GRM7: variants seen among roughly 807,000 people sequenced by gnomAD.
GRM7 encodes glutamate metabotropic receptor 7.
Under a neutral mutation model 84.5 loss-of-function variants are expected in GRM7, and 35 were observed. That is an observed-to-expected ratio of 0.41 (90% CI 0.32 to 0.55). GRM7 has a LOEUF of 0.55. Among genes scored for constraint, GRM7 ranks in the 20% least tolerant of loss-of-function variants. The pLI is 0.19. For synonymous variants in GRM7, 487 were observed against 455.1 expected (o/e 1.07, Z -0.89); for missense variants, 1,003 against 1,194.6 (o/e 0.84, Z 2.36).
chr3:7,632,668 A>C (rs1697907921), intron 8 of GRM7, among the ~76,000 whole-genome samples: 2 of 152,224 alleles, frequency 1.3e-5, no homozygotes, highest in African/African-American at 2.4e-5. Context: ...ATCCCTAAAA[A>C]GGTAGTTATG....
chr3:7,246,450 C>T (rs1028918767), intron 2 of GRM7, among the ~76,000 whole-genome samples: 2 of 152,128 alleles, frequency 1.3e-5, no homozygotes, highest in South Asian at 2.1e-4. Flanking sequence ...TTCTCAAGAG[C>T]GTAGACCTCA....
intron 9 of GRM7, among the ~76,000 whole-genome samples, chr3:7,707,930 A>ATTTTTTTTTTTTTTTT (rs34344224): frequency 7.3e-5 from 9 of 123,684 alleles, no homozygotes; most frequent in Non-Finnish European, 1.0e-4. Context: ...GAAGCTTTCA[A>ATTTTTTTTTTTTTTTT]TTTTTTTTTT....
chr3:7,388,078 T>A (rs939238303), intron 4 of GRM7, among the ~76,000 whole-genome samples: 2 of 152,168 alleles, frequency 1.3e-5, no homozygotes, highest in Non-Finnish European at 2.9e-5. Context: ...GTTCTTGATG[T>A]CTTTCTCAGC....
At chr3:7,343,871 A>T (rs373211280) in intron 4 of GRM7, among the ~76,000 whole-genome samples, 2 of 151,924 alleles carry the variant, frequency 1.3e-5, no homozygotes, top group East Asian at 1.9e-4. Flanking sequence ...ATTCCTTCAT[A>T]TTTCTTCTGA....
At chr3:7,413,928 C>A (rs916507897) in intron 4 of GRM7, among the ~76,000 whole-genome samples, 3 of 152,092 alleles carry the variant, frequency 2.0e-5, no homozygotes, top group South Asian at 4.1e-4. Context: ...GCAATTCCCA[C>A]CAAAATGTGA....
Position 7,578,601 on chromosome 3 carries a change from T to C in GRM7, c.1695T>C (p.Tyr565=), listed in dbSNP as rs548942878. The C allele has an allele frequency of 2.7e-5, 43 of 1,614,098 alleles. No individual in the cohort carries two copies. In the South Asian group the frequency reaches 4.5e-4, roughly 17 times the overall value. ...FDEMTCQHCP[Y]DQRPNENRTG... is the part of the protein sequence containing the mutation. ...AGATGACATGCCAGCATTGCCCCTA[T>C]GACCAGAGGCCCAATGAAAATCGAA... The change falls in exon 8 of 10, where the codon TAT becomes TAC. Residue 565 remains tyrosine (Y), a synonymous_variant. Coordinates refer to ENST00000357716, the MANE Select transcript of GRM7 (RefSeq NM_000844.4).
chr3:7,246,461 T>C (rs1015518681), intron 2 of GRM7, among the ~76,000 whole-genome samples: 1 of 152,174 alleles, frequency 6.6e-6, no homozygotes, highest in Non-Finnish European at 1.5e-5. Flanking sequence ...GTAGACCTCA[T>C]ATTCACAATG....
intron 5 of GRM7, among the ~76,000 whole-genome samples, chr3:7,439,395 C>T (rs1376144971): frequency 6.6e-6 from 1 of 152,134 alleles, no homozygotes; most frequent in African/African-American, 2.4e-5. Context: ...TTTCTGTCAG[C>T]CTATGTGAAT....
chr3:7,426,482 ATT>A (rs200900054), intron 5 of GRM7, among the ~76,000 whole-genome samples: 1 of 149,046 alleles, frequency 6.7e-6, no homozygotes, highest in Non-Finnish European at 1.5e-5. Context: ...CTCTGCCTGG[ATT>A]TTTTTTTTCC....
At chr3:7,716,059 C>A (rs970343270) in intron 9 of GRM7, among the ~76,000 whole-genome samples, 1 of 152,148 alleles carries the variant, frequency 6.6e-6, no homozygotes, top group Admixed American at 6.5e-5. Context: ...TCCCAAGGAA[C>A]CTATCACCTG....
At chr3:7,448,477 C>T (rs765846580) in intron 5 of GRM7, among the ~76,000 whole-genome samples, 134 of 152,266 alleles carry the variant, frequency 8.8e-4, no homozygotes, top group Non-Finnish European at 1.3e-3. Context: ...TCCTTACTCA[C>T]ATTGGTGGCC....
At chr3:6,991,812 A>G (rs1694646989) in intron 1 of GRM7, among the ~76,000 whole-genome samples, 1 of 152,164 alleles carries the variant, frequency 6.6e-6, no homozygotes, top group Non-Finnish European at 1.5e-5. Context: ...TATTCTCAGC[A>G]AATTTCAAGT....
intron 7 of GRM7, among the ~76,000 whole-genome samples, chr3:7,477,875 G>A (rs536693698): frequency 4.2e-4 from 64 of 152,210 alleles, no homozygotes; most frequent in African/African-American, 1.4e-3. Flanking sequence ...CTGTTCTAAA[G>A]CATGGTATCA....
intron 1 of GRM7, among the ~76,000 whole-genome samples, chr3:6,947,696 G>A (rs1424193997): frequency 6.6e-6 from 1 of 152,022 alleles, no homozygotes; most frequent in South Asian, 2.1e-4. Context: ...GACTTTTTTT[G>A]GTTGGTAAGC....
chr3:6,876,267 CAA>C, intron 1 of GRM7, among the ~76,000 whole-genome samples: 1 of 139,262 alleles, frequency 7.2e-6, no homozygotes. Flanking sequence ...GGCTCCATCT[CAA>C]AAAAAAAAAA....
intron 8 of GRM7, chr3:7,636,347 C>T (rs1698094516): frequency 2.0e-5 from 9 of 455,296 alleles, no homozygotes; most frequent in Admixed American, 1.9e-4. Context: ...AAGACGGGGC[C>T]TCTGTCCTAT....
chr3:7,517,319 T>C (rs949649444), intron 7 of GRM7, among the ~76,000 whole-genome samples: 1 of 152,124 alleles, frequency 6.6e-6, no homozygotes, highest in Non-Finnish European at 1.5e-5. Context: ...TTTGTATAAA[T>C]AAACAAATGT....
At chr3:7,690,991 C>G (rs1179883400) in intron 9 of GRM7, 21 of 355,246 alleles carry the variant, frequency 5.9e-5, no homozygotes, top group Non-Finnish European at 8.8e-5. Context: ...AGAGAGGTGA[C>G]CCTTGTGACT....
chr3:7,190,060 T>C (rs944599285), intron 2 of GRM7, among the ~76,000 whole-genome samples: 15 of 152,274 alleles, frequency 9.9e-5, no homozygotes, highest in Admixed American at 3.9e-4. Flanking sequence ...TTCTGCAAGG[T>C]AGTTGAACAA....
Sources: gnomAD v4.1 joint callset for allele counts (sites outside exome capture counted in the v4.1 genomes callset) on GRCh38, gnomAD v4.1.1 for gene constraint, MANE v1.5 for transcripts, NCBI Gene and HGNC (gene_info 2026-07-23, HGNC 2026-07-21) for gene names.